SOX5: variants seen among roughly 807,000 people sequenced by gnomAD.
SOX5 encodes transcription factor SOX-5.
SOX5 carries 9 observed loss-of-function variants against 92.0 expected under a neutral mutation model. The ratio of observed to expected loss-of-function variants is 0.10; its 90% CI spans 0.06 to 0.17. The LOEUF (loss-of-function observed/expected upper bound fraction) is 0.17, where lower values mean the gene tolerates loss of function less well. SOX5 is among the 10% of genes least tolerant of loss of function. The pLI, the probability that SOX5 is intolerant of heterozygous loss-of-function variation, is 1.00. For missense variants in SOX5, 642 were observed against 944.5 expected, an observed-to-expected ratio of 0.68 and a Z score of 4.20; for synonymous variants, 344 against 336.3, an observed-to-expected ratio of 1.02 and a Z score of -0.25.
intron 3 of SOX5, among the ~76,000 whole-genome samples, chr12:23,831,155 C>T (rs2096310881): frequency 6.6e-6 from 1 of 151,998 alleles, no homozygotes; most frequent in Admixed American, 6.6e-5. Context: ...ATTAAAAAGA[C>T]ATTAACATAA....
At chr12:23,627,677 A>G (rs1050517983) in intron 8 of SOX5, among the ~76,000 whole-genome samples, 31 of 152,188 alleles carry the variant, frequency 2.0e-4, no homozygotes, top group Non-Finnish European at 1.9e-4. Flanking sequence ...ACTATGAGAT[A>G]TTCAATATCT....
chr12:24,026,012 C>A (rs567871168), intron 4 of SOX5, among the ~76,000 whole-genome samples: 1 of 152,210 alleles, frequency 6.6e-6, no homozygotes, highest in Non-Finnish European at 1.5e-5. Context: ...AGACTCTGAA[C>A]AACCTAATAT....
chr12:24,288,158 A>T (rs993374340), intron 2 of SOX5, among the ~76,000 whole-genome samples: 1 of 152,132 alleles, frequency 6.6e-6, no homozygotes, highest in Admixed American at 6.6e-5. Flanking sequence ...AGTGTCTGGA[A>T]ATATTTTTAT....
In SOX5 at chr12:23,837,245, A is replaced by ATATT. The variant is rs2096434077; in HGVS notation, c.481+8737_481+8738insAATA. On this transcript the variant is annotated intron_variant, in intron 3 of 14. Coordinates refer to ENST00000451604, the MANE Select transcript of SOX5 (RefSeq NM_006940.6). ...GATATATAATATATATTTATATAAT[A>ATATT]TATATTTATATTTATATAATATATA... 2.6e-5 allele frequency among the ~76,000 whole-genome samples: 2 copies of ATATT among 77,996 alleles called. 1 individual carries two copies. The highest frequency in any genetic ancestry group is 6.3e-5 in the Non-Finnish European group (2 of 31,806). The allele number at this position is 77,996 out of a possible 152,430, so 51.2% of individuals were successfully genotyped here.
chr12:24,494,561 C>A (rs1947424174), intron 1 of SOX5, among the ~76,000 whole-genome samples: 2 of 152,100 alleles, frequency 1.3e-5, no homozygotes, highest in Admixed American at 1.3e-4. Context: ...GACTGAATTC[C>A]AACGAGCATT....
At chr12:23,851,993 T>C (rs1317433646) in intron 2 of SOX5, among the ~76,000 whole-genome samples, 5 of 152,130 alleles carry the variant, frequency 3.3e-5, no homozygotes, top group Non-Finnish European at 7.4e-5. Flanking sequence ...AGTGGCCTAA[T>C]CTAGACCACT....
chr12:23,577,191 A>ATAT (rs71059907), intron 9 of SOX5, among the ~76,000 whole-genome samples: 2 of 61,390 alleles, frequency 3.3e-5, no homozygotes, highest in African/African-American at 5.7e-5. Context: ...ATATATATAT[A>ATAT]TTTTTTTTTT....
chr12:23,665,592 G>C (rs908522164), intron 6 of SOX5, 28 bp from the exon 7 acceptor site: 8 of 1,582,206 alleles, frequency 5.1e-6, no homozygotes, highest in African/African-American at 2.7e-5. Context: ...GCGAATCAAA[G>C]AGAAGAAGTT....
chr12:24,035,823 A>T (rs1955978121), intron 4 of SOX5, among the ~76,000 whole-genome samples: 1 of 152,088 alleles, frequency 6.6e-6, no homozygotes, highest in South Asian at 2.1e-4. Context: ...TTAACTGTAC[A>T]GTACCAAAAT....
chr12:24,399,256 T>A (rs531227643), intron 1 of SOX5, among the ~76,000 whole-genome samples: 1 of 152,094 alleles, frequency 6.6e-6, no homozygotes, highest in Admixed American at 6.5e-5. Flanking sequence ...TCCCCATACC[T>A]GGGAAAGGAC....
At chr12:23,538,458 G>T (rs1185089776) in intron 13 of SOX5, among the ~76,000 whole-genome samples, 1 of 152,078 alleles carries the variant, frequency 6.6e-6, no homozygotes, top group African/African-American at 2.4e-5. Flanking sequence ...TCCAACATTA[G>T]GTTGGTTGGT....
chr12:23,751,104 T>C (rs2094167491), intron 4 of SOX5, among the ~76,000 whole-genome samples: 1 of 151,850 alleles, frequency 6.6e-6, no homozygotes, highest in Non-Finnish European at 1.5e-5. Context: ...ACAAGCTTAG[T>C]TAGATTAAAA....
intron 1 of SOX5, among the ~76,000 whole-genome samples, chr12:24,405,816 G>T (rs993777179): frequency 2.6e-5 from 4 of 152,148 alleles, no homozygotes; most frequent in Non-Finnish European, 4.4e-5. Flanking sequence ...AACTATGGAT[G>T]GCTCTAAAAG....
At chr12:24,293,693 G>A (rs2140531601) in intron 2 of SOX5, among the ~76,000 whole-genome samples, 1 of 152,264 alleles carries the variant, frequency 6.6e-6, no homozygotes, top group Admixed American at 6.5e-5. Context: ...TGACAGGATT[G>A]TAAAGATTTG....
chr12:24,547,891 A>T (rs1952797846), intron 1 of SOX5, among the ~76,000 whole-genome samples: 1 of 152,196 alleles, frequency 6.6e-6, no homozygotes, highest in Non-Finnish European at 1.5e-5. Context: ...CAGAAATGAG[A>T]CTTAAATTCA....
chr12:24,077,677 C>T (rs926312360), intron 4 of SOX5, among the ~76,000 whole-genome samples: 2 of 150,970 alleles, frequency 1.3e-5, no homozygotes, highest in African/African-American at 2.4e-5. Context: ...AAGCTGCACA[C>T]AACTTCAAAA....
At chr12:24,313,654 C>A (rs991947045) in intron 2 of SOX5, among the ~76,000 whole-genome samples, 1 of 152,216 alleles carries the variant, frequency 6.6e-6, no homozygotes, top group Non-Finnish European at 1.5e-5. Context: ...CTACTTTGTG[C>A]GTATTTCCAC....
intron 1 of SOX5, among the ~76,000 whole-genome samples, chr12:23,945,672 A>AT (rs1382180278): frequency 1.3e-5 from 2 of 152,168 alleles, no homozygotes; most frequent in Non-Finnish European, 2.9e-5. Flanking sequence ...TATAAATAAA[A>AT]TTATCAAAGC....
intron 1 of SOX5, among the ~76,000 whole-genome samples, chr12:23,904,117 T>C (rs2097265882): frequency 6.6e-6 from 1 of 152,202 alleles, no homozygotes; most frequent in South Asian, 2.1e-4. Flanking sequence ...AGTTGAGAGT[T>C]TACTCTGTGA....
Sources: allele counts gnomAD v4.1 joint callset (sites outside exome capture counted in the v4.1 genomes callset), GRCh38; gene constraint gnomAD v4.1.1; transcripts MANE v1.5; gene names NCBI Gene and HGNC (gene_info 2026-07-23, HGNC 2026-07-21).